Variants in OSGEPL1 observed in about 807,000 individuals in gnomAD.
OSGEPL1 encodes tRNA N6-adenosine threonylcarbamoyltransferase, mitochondrial.
A neutral mutation model predicts 37.2 loss-of-function variants in OSGEPL1; 26 were observed. The observed-to-expected ratio is 0.70, with a 90% CI of 0.51 to 0.97. The LOEUF is 0.97. Among genes scored for constraint, OSGEPL1 ranks in the 50% least tolerant of loss-of-function variants. The pLI is 0.00. For synonymous variants in OSGEPL1, 140 were observed against 159.9 expected (o/e 0.88, Z 0.94); for missense variants, 404 against 487.0 (o/e 0.83, Z 1.60).
chr2:189,748,444 G>A (rs1251711634), intron 8 of OSGEPL1, among the ~76,000 whole-genome samples: 4 of 152,108 alleles, frequency 2.6e-5, no homozygotes, highest in East Asian at 3.9e-4. Flanking sequence ...GGCTGGTCCC[G>A]AATTCCTGGC....
rs967500537 is a variant in OSGEPL1, at chr2:189,762,753, C to G, written c.-89G>C. The G allele has an allele frequency of 3.0e-6, 3 of 985,366 alleles. No individual in the cohort carries two copies. The highest frequency in any genetic ancestry group is 1.2e-4 in the Admixed American group (2 of 16,272). 61.0% of individuals were successfully genotyped at this position (985,366 alleles called of 1,614,324 possible). ...ACTAAAGACTGTCGACTGCCCTTAT[C>G]GCTGCAGGAGAAAGCCCGAACCTGG... is the stretch of plus-strand genomic sequence containing the variant. On this transcript the variant is annotated 5_prime_UTR_variant, in exon 1 of 9. Coordinates refer to ENST00000264151, the MANE Select transcript of OSGEPL1 (RefSeq NM_022353.3).
chr2:189,763,166 T>C, upstream of OSGEPL1: 1 of 985,222 alleles, frequency 1.0e-6, no homozygotes, highest in Non-Finnish European at 1.2e-6. Flanking sequence ...GTGAGGTACC[T>C]GATACTTTCA....
In OSGEPL1 at chr2:189,746,697, T is replaced by C; in HGVS notation, c.*500A>G. On this transcript the variant is annotated 3_prime_UTR_variant, in exon 9 of 9. Transcript: ENST00000264151. ...ATTTTTTTATTTTTAATAATGGTAA[T>C]ATGCAAATAACATAACTGAATAATC... 2 of 1,407,196 alleles carry C rather than the reference T, an allele frequency of 1.4e-6. No homozygotes were observed. The highest frequency in any genetic ancestry group is 3.1e-5 in the South Asian group (2 of 65,554). The allele number at this position is 1,407,196 out of a possible 1,614,324, so 87.2% of individuals were successfully genotyped here.
chr2:189,754,872 T>G, intron 3 of OSGEPL1: 1 of 351,042 alleles, frequency 2.8e-6, no homozygotes, highest in Non-Finnish European at 5.1e-6. Context: ...TTTTTTGCAG[T>G]ATGTTAGTTT....
rs1380472154 is a variant in OSGEPL1 at position 189,754,512 on chromosome 2, C to G, written c.610-167G>C. ...TATAGCTGATATTCAGGTAAGCAGA[C>G]AACCCTGTTCCTTATGATGACCCGA... On this transcript the variant is annotated intron_variant, in intron 3 of 8. Coordinates refer to ENST00000264151, the MANE Select transcript of OSGEPL1 (RefSeq NM_022353.3). 4 of 615,138 alleles carry G rather than the reference C, an allele frequency of 6.5e-6. No individual in the cohort carries two copies. The Admixed American group carries it at 1.3e-4, about 20-fold the overall frequency. The allele number at this position is 615,138 out of a possible 1,614,324, so 38.1% of individuals were successfully genotyped here.
chr2:189,755,646 G>T, intron 2 of OSGEPL1, 86 bp from the exon 3 acceptor site: 5 of 1,402,356 alleles, frequency 3.6e-6, no homozygotes, highest in Non-Finnish European at 3.8e-6. Flanking sequence ...ATGTCTTCAA[G>T]TTAATCATTA....
chr2:189,761,074 A>AT (rs1030474661), intron 2 of OSGEPL1: 274 of 120,106 alleles, frequency 2.3e-3, no homozygotes, highest in East Asian at 0.012. Flanking sequence ...TATGAATAGG[A>AT]TTTTTTTTTT....
In OSGEPL1 at chr2:189,755,229, C is replaced by T. The variant is rs1411149031; in HGVS notation, c.553G>A (p.Asp185Asn). ...AAAGACTTTCCAAGAAGCAGAAAAT[C>T]TGAAACTCCTTGAACTAATGCCAAC... ...CLLALVQGVS[D>N]FLLLGKSLDI... Residue 185 changes from aspartate (D) to asparagine (N), a missense_variant, in exon 3 of 9, where the codon GAT becomes AAT. Coordinates refer to ENST00000264151, the MANE Select transcript of OSGEPL1 (RefSeq NM_022353.3). The T allele has an allele frequency of 1.9e-6, 3 of 1,612,234 alleles. No homozygotes were observed. Among genetic ancestry groups the T allele is most frequent in the South Asian group, 1.1e-5 (1 of 90,724 alleles).
chr2:189,755,856 A>T (rs530025918), intron 2 of OSGEPL1, among the ~76,000 whole-genome samples: 38 of 152,328 alleles, frequency 2.5e-4, no homozygotes, highest in African/African-American at 8.7e-4. Context: ...AGTTTTGAGC[A>T]TGGGAAGGAC....
chr2:189,752,998 C>G lies in OSGEPL1; in HGVS notation c.964-19G>C, dbSNP rs1006660521. The G allele has an allele frequency of 6.3e-7, 1 of 1,591,700 alleles. No homozygotes were observed. Among genetic ancestry groups the G allele is most frequent in the African/African-American group, 1.3e-5 (1 of 74,074 alleles). On this transcript the variant is annotated intron_variant, in intron 5 of 8. Coordinates refer to ENST00000264151, the MANE Select transcript of OSGEPL1 (RefSeq NM_022353.3). ...ATGCAACCTGAAGGAATTGAGAAAACCAAAATAACTATCATATATGGATAT... is the reference window on the plus strand; with the variant it reads ...ATGCAACCTGAAGGAATTGAGAAAAGCAAAATAACTATCATATATGGATAT...
At chr2:189,754,444 C>A (rs1305865904) in intron 3 of OSGEPL1, 99 bp from the exon 4 acceptor site, 9 of 1,113,456 alleles carry the variant, frequency 8.1e-6, no homozygotes, top group Middle Eastern at 2.6e-4. Flanking sequence ...AAACAAAAAA[C>A]CCCTGAATGA....
At chr2:189,750,812 C>T (rs1256275379) in intron 7 of OSGEPL1, among the ~76,000 whole-genome samples, 156 bp from the exon 8 acceptor site, 1 of 151,992 alleles carries the variant, frequency 6.6e-6, no homozygotes, top group Non-Finnish European at 1.5e-5. Context: ...TATACTGGGA[C>T]CTCAAGTCAG....
At position 189,761,604 on chromosome 2, in the gene OSGEPL1, TA is replaced by T. The variant is rs750679212; in HGVS notation, c.36del (p.Phe12LeufsTer12). On this transcript the variant is annotated frameshift_variant, in exon 2 of 9. Coordinates refer to ENST00000264151, the MANE Select transcript of OSGEPL1 (RefSeq NM_022353.3). LOFTEE classifies it high-confidence loss of function. ...TCATAAACTTTCCTTTTTGATGGTT[TA>T]AAAAAAACTCCTGCAGTCTTAGTCA... ...LILTKTAGVF[F>X]KPSKRKVYEF... The T allele has an allele frequency of 6.2e-6, 10 of 1,605,370 alleles. No individual in the cohort carries two copies. In the East Asian group the frequency reaches 1.8e-4, roughly 29 times the overall value.
rs562661529 is a variant in OSGEPL1, at chr2:189,751,460, T to C, written c.1167-804A>G. 8.0e-3 allele frequency among the ~76,000 whole-genome samples: 1,201 copies of C among 150,992 alleles called. 13 individuals carry two copies. The highest frequency in any genetic ancestry group is 9.4e-3 in the Non-Finnish European group (635 of 67,736). On this transcript the variant is annotated intron_variant, in intron 7 of 8. Coordinates refer to ENST00000264151, the MANE Select transcript of OSGEPL1 (RefSeq NM_022353.3). ...ACAAGTTGTGTTTTTTTTTTTTTTTTTTGAGATGGAGTCTCACTCTGTCAC... is the reference window on the plus strand; with the variant it reads ...ACAAGTTGTGTTTTTTTTTTTTTTTCTTGAGATGGAGTCTCACTCTGTCAC...
At chr2:189,749,289 GTT>G (rs11307480) in intron 8 of OSGEPL1, among the ~76,000 whole-genome samples, 280 of 133,552 alleles carry the variant, frequency 2.1e-3, no homozygotes, top group African/African-American at 6.3e-3. Flanking sequence ...TTACTCCACG[GTT>G]TTTTTTTTTT....
In OSGEPL1 at chr2:189,750,449, TAGA is replaced by T. The variant is rs1574841866; in HGVS notation, c.*28+98_*28+100del. 2.8e-4 allele frequency: 80 copies of T among 290,322 alleles called. 1 individual carries two copies. Among genetic ancestry groups the T allele is most frequent in the South Asian group, 2.0e-3 (51 of 25,238 alleles). 18.0% of individuals were successfully genotyped at this position (290,322 alleles called of 1,614,324 possible). On this transcript the variant is annotated intron_variant, in intron 8 of 8. Transcript: ENST00000264151. ...TCAGAAGAGCAGGTAAAACATCAAA[TAGA>T]AAAAAAAAAATAAAATCTTGATGAA...
At chr2:189,747,599 T>C (rs1172339766) in intron 8 of OSGEPL1, among the ~76,000 whole-genome samples, 1 of 152,188 alleles carries the variant, frequency 6.6e-6, no homozygotes, top group African/African-American at 2.4e-5. Flanking sequence ...ATGTCTTTGC[T>C]CAAATAGCAA....
intron 2 of OSGEPL1, among the ~76,000 whole-genome samples, chr2:189,758,434 C>T (rs781056630): frequency 2.0e-5 from 3 of 152,098 alleles, no homozygotes; most frequent in East Asian, 1.9e-4. Context: ...CGGTCCTGCT[C>T]CTGCCATGTA....
intron 3 of OSGEPL1, 75 bp downstream of exon 3, chr2:189,755,098 G>C (rs979327756): frequency 5.1e-5 from 75 of 1,477,410 alleles, no homozygotes; most frequent in Non-Finnish European, 6.9e-5. Context: ...GGTGAATGGT[G>C]GTAGCACATC....
Sources: gnomAD v4.1 joint callset for allele counts (sites outside exome capture counted in the v4.1 genomes callset) on GRCh38, gnomAD v4.1.1 for gene constraint, MANE v1.5 for transcripts, NCBI Gene and HGNC (gene_info 2026-07-23, HGNC 2026-07-21) for gene names.